HMGB1: variants seen among roughly 807,000 people sequenced by gnomAD.
The protein encoded by HMGB1 is high mobility group box 1.
For synonymous variants in HMGB1, 81 were observed against 84.0 expected (o/e 0.96, Z 0.19); for missense variants, 79 against 253.5 (o/e 0.31, Z 4.67).
chr13:30,464,590 C>A (rs949938321), intron 1 of HMGB1: 36 of 984,482 alleles, frequency 3.7e-5, no homozygotes, highest in Non-Finnish European at 4.2e-5. Context: ...CGCGCCGCCG[C>A]CGCCCCCATT....
At chr13:30,465,645 C>T (rs117247190) in intron 1 of HMGB1, among the ~76,000 whole-genome samples, 151 bp downstream of exon 1, 6,096 of 151,018 alleles carry the variant, frequency 0.04, 153 homozygotes, top group Non-Finnish European at 0.059. Flanking sequence ...GGCAGAGGCT[C>T]GCTCCGTGCG....
chr13:30,520,822 G>A lies in HMGB1; in HGVS notation c.-14-57128C>T, dbSNP rs931191621. 3.3e-5 allele frequency among the ~76,000 whole-genome samples: 5 copies of A among 152,070 alleles called. 2 individuals are homozygous for A. The South Asian group carries it at 8.3e-4, about 25-fold the overall frequency. On this transcript the variant is annotated intron_variant, in intron 1 of 4. Coordinates refer to the HMGB1 transcript ENST00000405805. ...CAGTACTAAAAGCTCTTGGGGCTGG[G>A]CTCTTTGCTTGCCTATTTTTGATTC...
chr13:30,595,341 C>T lies in HMGB1; in HGVS notation c.-15+21330G>A, dbSNP rs996298290. 1.1e-4 allele frequency among the ~76,000 whole-genome samples: 16 copies of T among 152,292 alleles called. No individual in the cohort carries two copies. The South Asian group carries it at 3.3e-3, about 32-fold the overall frequency. On this transcript the variant is annotated intron_variant, in intron 1 of 4. Transcript: ENST00000405805. ...AAGCAATAGGAGCAACCCAGATGTTCTAGCCACGATCCAAGTCAACCACAT... is the reference window on the plus strand; with the variant it reads ...AAGCAATAGGAGCAACCCAGATGTTTTAGCCACGATCCAAGTCAACCACAT...
In HMGB1 at chr13:30,463,245, T is replaced by C. The variant is rs1424050034; in HGVS notation, c.258A>G (p.Lys86=). ...KTYIPPKGET[K]KKFKDPNAPK... ...GTGCATTGGGATCCTTGAACTTCTT[T>C]TTTGTCTCCCCTTTGGGAGGGATAT... is the stretch of plus-strand genomic sequence containing the variant. The change falls in exon 3 of 5, where the codon AAA becomes AAG. Residue 86 remains lysine, a synonymous_variant. Coordinates refer to ENST00000341423, the MANE Select transcript of HMGB1 (RefSeq NM_002128.7). The C allele has an allele frequency of 6.2e-7, 1 of 1,603,742 alleles. No individual in the cohort carries two copies. Among genetic ancestry groups the C allele is most frequent in the African/African-American group, 1.4e-5 (1 of 74,066 alleles).
intron 1 of HMGB1, among the ~76,000 whole-genome samples, chr13:30,611,980 G>A (rs1950516910): frequency 6.6e-6 from 1 of 151,818 alleles, no homozygotes; most frequent in Non-Finnish European, 1.5e-5. Context: ...TGTTTTAAAA[G>A]TAGGTTTGGT....
chr13:30,548,332 T>C (rs1869263567), intron 1 of HMGB1, among the ~76,000 whole-genome samples: 1 of 152,132 alleles, frequency 6.6e-6, no homozygotes, highest in Non-Finnish European at 1.5e-5. Flanking sequence ...TGGTTCCCCT[T>C]CCACCACGAT....
chr13:30,505,852 G>C (rs1887852954), intron 1 of HMGB1, among the ~76,000 whole-genome samples: 2 of 150,288 alleles, frequency 1.3e-5, no homozygotes. Flanking sequence ...CATCCTCTCA[G>C]GGGGCAGTCT....
At chr13:30,565,445 G>T (rs1236190272) in intron 1 of HMGB1, among the ~76,000 whole-genome samples, 1 of 152,186 alleles carries the variant, frequency 6.6e-6, no homozygotes. Flanking sequence ...TTGTCAGGCA[G>T]ATCTGTCATG....
In HMGB1 at chr13:30,523,247, C is replaced by A. The variant is rs556121337; in HGVS notation, c.-14-59553G>T. ...ACTGAAAAAATTTTGCTTACGCTTA[C>A]ATTTTCTATTCATGAACTATCTCCT... On this transcript the variant is annotated intron_variant, in intron 1 of 4. Coordinates refer to the HMGB1 transcript ENST00000405805. 4.6e-5 allele frequency among the ~76,000 whole-genome samples: 7 copies of A among 152,336 alleles called. No homozygotes were observed. In the East Asian group the frequency reaches 1.3e-3, roughly 29 times the overall value.
chr13:30,612,953 C>A (rs1950526336), intron 1 of HMGB1, among the ~76,000 whole-genome samples: 1 of 152,210 alleles, frequency 6.6e-6, no homozygotes, highest in Admixed American at 6.5e-5. Context: ...GCTAGAGCTA[C>A]ATGTCCAATT....
At chr13:30,471,654 CTTTTTTTTTTTTTTTT>C (rs1171119586) in intron 1 of HMGB1, among the ~76,000 whole-genome samples, 1,488 of 30,694 alleles carry the variant, frequency 0.048, 43 homozygotes, top group South Asian at 0.063. Flanking sequence ...CGTGCCCGGC[CTTTTTTTTTTTTTTTT>C]TTTTTTTTTT....
intron 3 of HMGB1, 40 bp from the exon 4 acceptor site, chr13:30,462,752 T>C (rs540146818): frequency 1.3e-6 from 2 of 1,537,156 alleles, no homozygotes; most frequent in Admixed American, 1.7e-5. Context: ...AGTTAACAGA[T>C]CACAAAAACA....
chr13:30,530,042 A>G (rs1255197400), intron 1 of HMGB1, among the ~76,000 whole-genome samples: 1 of 152,240 alleles, frequency 6.6e-6, no homozygotes, highest in Non-Finnish European at 1.5e-5. Context: ...ATTATTTCAC[A>G]TACTGAATTA....
At chr13:30,520,404 G>A (rs948011470) in intron 1 of HMGB1, among the ~76,000 whole-genome samples, 8 of 152,088 alleles carry the variant, frequency 5.3e-5, no homozygotes, top group African/African-American at 1.9e-4. Flanking sequence ...CGGCTCACTT[G>A]AGGCCAGGAG....
chr13:30,554,254 C>T, intron 1 of HMGB1: 6 of 1,424,740 alleles, frequency 4.2e-6, no homozygotes, highest in Non-Finnish European at 5.9e-6. Context: ...TTCTCAATTT[C>T]TTGTTGAAAG....
At chr13:30,494,855 A>T (rs192084838) in intron 1 of HMGB1, among the ~76,000 whole-genome samples, 1 of 152,252 alleles carries the variant, frequency 6.6e-6, no homozygotes, top group African/African-American at 2.4e-5. Flanking sequence ...GTCTCTATGA[A>T]TTTGACTACT....
intron 1 of HMGB1, among the ~76,000 whole-genome samples, chr13:30,593,159 A>G (rs113332283): frequency 2.6e-5 from 4 of 152,342 alleles, no homozygotes; most frequent in African/African-American, 7.2e-5. Context: ...TTACAGGAGC[A>G]GCAGGGATTT....
intron 1 of HMGB1, among the ~76,000 whole-genome samples, chr13:30,496,904 A>G (rs1402115988): frequency 6.6e-6 from 1 of 151,960 alleles, no homozygotes; most frequent in African/African-American, 2.4e-5. Context: ...CACACCGCCC[A>G]CCAATATTCC....
chr13:30,607,200 G>T (rs146091150), intron 1 of HMGB1, among the ~76,000 whole-genome samples: 6 of 152,260 alleles, frequency 3.9e-5, no homozygotes, highest in African/African-American at 1.4e-4. Flanking sequence ...TGGGCATGAG[G>T]CACCTCCCAG....
Sources: allele counts gnomAD v4.1 joint callset (sites outside exome capture counted in the v4.1 genomes callset), GRCh38; gene constraint gnomAD v4.1.1; transcripts MANE v1.5; gene names NCBI Gene and HGNC (gene_info 2026-07-23, HGNC 2026-07-21).